Variants in ROBO1 observed in about 807,000 individuals in gnomAD.
ROBO1 encodes the protein roundabout homolog 1.
Under a neutral mutation model 195.9 loss-of-function variants are expected in ROBO1, and 149 were observed. The observed-to-expected ratio is 0.76, with a 90% CI of 0.67 to 0.87. The LOEUF (loss-of-function observed/expected upper bound fraction) is 0.87, where lower values mean the gene tolerates loss of function less well. ROBO1 is among the 40% of genes least tolerant of loss of function. The pLI is 0.00. For missense variants in ROBO1, 1,933 were observed against 2,068.3 expected (o/e 0.93, Z 1.27); for synonymous variants, 816 against 733.2 (o/e 1.11, Z -1.82).
At chr3:79,623,306 A>G (rs1199298207) in intron 1 of ROBO1, among the ~76,000 whole-genome samples, 1 of 152,170 alleles carries the variant, frequency 6.6e-6, no homozygotes, top group Non-Finnish European at 1.5e-5. Context: ...AACAATCGCA[A>G]CGTCTCTCAT....
chr3:78,729,165 A>G (rs2082231683), intron 5 of ROBO1, among the ~76,000 whole-genome samples: 1 of 152,198 alleles, frequency 6.6e-6, no homozygotes, highest in Non-Finnish European at 1.5e-5. Context: ...ATAACAATTG[A>G]TAAATTGGTA....
At chr3:78,994,405 C>G (rs988242923) in intron 3 of ROBO1, among the ~76,000 whole-genome samples, 4 of 152,088 alleles carry the variant, frequency 2.6e-5, no homozygotes, top group Non-Finnish European at 4.4e-5. Context: ...TGTGCGCTAC[C>G]ATATTTTATG....
chr3:79,397,240 CAT>C (rs965537411), intron 2 of ROBO1, among the ~76,000 whole-genome samples: 1 of 150,320 alleles, frequency 6.7e-6, no homozygotes, highest in Admixed American at 6.7e-5. Flanking sequence ...ACTTAATAAT[CAT>C]ATATATTTAA....
intron 29 of ROBO1, 150 bp downstream of exon 29, chr3:78,606,583 T>C (rs1486304395): frequency 6.7e-6 from 5 of 749,686 alleles, no homozygotes; most frequent in Non-Finnish European, 9.2e-6. Context: ...GAGTGAACTG[T>C]ATTAAAATTA....
At chr3:79,555,939 T>A (rs1386107737) in intron 2 of ROBO1, among the ~76,000 whole-genome samples, 2 of 152,190 alleles carry the variant, frequency 1.3e-5, no homozygotes, top group African/African-American at 4.8e-5. Flanking sequence ...GTGCCACGCA[T>A]GCTTATGTGA....
chr3:78,743,696 A>G (rs551658170), intron 5 of ROBO1, among the ~76,000 whole-genome samples: 1 of 152,288 alleles, frequency 6.6e-6, no homozygotes, highest in African/African-American at 2.4e-5. Flanking sequence ...TGGGGTAGAA[A>G]GTTCTACACA....
intron 2 of ROBO1, among the ~76,000 whole-genome samples, chr3:79,338,393 T>C (rs77580747): frequency 0.019 from 2,906 of 152,326 alleles, 71 homozygotes; most frequent in African/African-American, 0.061. Flanking sequence ...GCCCACTGAA[T>C]GTTACTTTAC....
At chr3:79,523,472 C>CTTTTTTTTTTTTTTTT (rs11357932) in intron 2 of ROBO1, among the ~76,000 whole-genome samples, 1 of 100,434 alleles carries the variant, frequency 1.0e-5, no homozygotes, top group Non-Finnish European at 1.9e-5. Context: ...TTTTTTTTTT[C>CTTTTTTTTTTTTTTTT]TTTTTTTTTT....
At chr3:79,350,688 C>T (rs2035308829) in intron 2 of ROBO1, among the ~76,000 whole-genome samples, 1 of 152,050 alleles carries the variant, frequency 6.6e-6, no homozygotes, top group Non-Finnish European at 1.5e-5. Context: ...AGGCTGGTCA[C>T]AAAACACCTA....
rs560040559 is a variant in ROBO1 at position 79,160,845 on chromosome 3, T to A, written c.89-35306A>T. On this transcript the variant is annotated intron_variant, in intron 2 of 30. Transcript: ENST00000464233. The stretch of plus-strand genomic sequence containing the variant: ...TTCTAAACAGCTTCTAGTTTGTAAC[T>A]GGGGCTAAGCCTCACCCCCCCAACC... Among the ~76,000 whole-genome samples, 3 of 152,140 alleles carry A rather than the reference T, an allele frequency of 2.0e-5. No individual in the cohort carries two copies. The South Asian group carries it at 6.2e-4, about 32-fold the overall frequency.
rs372641470 is a variant in ROBO1, at chr3:79,623,702, C to T, written c.-50-33741G>A. On this transcript the variant is annotated intron_variant, in intron 1 of 30. Coordinates refer to ENST00000464233, the MANE Select transcript of ROBO1 (RefSeq NM_002941.4). ...ACAAGAAATATGGGACTTCAATAAA[C>T]GACCAAACCTACAATTGATTGGAGT... Among the ~76,000 whole-genome samples, 16 of 151,994 alleles carry T rather than the reference C, an allele frequency of 1.1e-4. No homozygotes were observed. The South Asian group carries it at 2.1e-3, about 20-fold the overall frequency.
chr3:79,577,717 A>ACACACACAC (rs1943533321), intron 2 of ROBO1, among the ~76,000 whole-genome samples: 1 of 140,636 alleles, frequency 7.1e-6, no homozygotes, highest in African/African-American at 2.6e-5. Context: ...CTTTACTAAA[A>ACACACACAC]ACACACACAC....
At chr3:79,491,800 T>G (rs1417428609) in intron 2 of ROBO1, among the ~76,000 whole-genome samples, 1 of 151,902 alleles carries the variant, frequency 6.6e-6, no homozygotes, top group Non-Finnish European at 1.5e-5. Context: ...TTTTTTTTAA[T>G]TTTGTGGGCA....
intron 4 of ROBO1, among the ~76,000 whole-genome samples, chr3:78,829,370 C>T (rs150456887): frequency 1.3e-5 from 2 of 152,158 alleles, no homozygotes; most frequent in Non-Finnish European, 2.9e-5. Flanking sequence ...ATTACAGATA[C>T]ACTTGTTAAA....
intron 19 of ROBO1, among the ~76,000 whole-genome samples, 197 bp downstream of exon 19, chr3:78,651,535 T>A (rs1706658444): frequency 6.6e-6 from 1 of 152,158 alleles, no homozygotes; most frequent in Non-Finnish European, 1.5e-5. Flanking sequence ...AAGAAACTAA[T>A]AAACTCTATT....
At chr3:78,941,790 C>T (rs2040159862) in intron 3 of ROBO1, among the ~76,000 whole-genome samples, 1 of 152,116 alleles carries the variant, frequency 6.6e-6, no homozygotes. Flanking sequence ...AAGTGTAAGT[C>T]TGAAGGAATA....
At chr3:79,068,132 T>C (rs1456300865) in intron 3 of ROBO1, among the ~76,000 whole-genome samples, 1 of 151,894 alleles carries the variant, frequency 6.6e-6, no homozygotes, top group Non-Finnish European at 1.5e-5. Context: ...TGATACATTA[T>C]GGGAGGGGAT....
At chr3:79,362,733 G>A (rs575073303) in intron 2 of ROBO1, among the ~76,000 whole-genome samples, 49 of 152,092 alleles carry the variant, frequency 3.2e-4, no homozygotes, top group African/African-American at 1.1e-3. Flanking sequence ...TTAACTTTAC[G>A]AAATTTCTCT....
chr3:79,386,803 A>T (rs1486160789), intron 2 of ROBO1, among the ~76,000 whole-genome samples: 1 of 152,140 alleles, frequency 6.6e-6, no homozygotes, highest in Middle Eastern at 3.2e-3. Context: ...TTTATTCCTC[A>T]GTGCAGTGGA....
Sources: allele counts gnomAD v4.1 joint callset (sites outside exome capture counted in the v4.1 genomes callset), GRCh38; gene constraint gnomAD v4.1.1; transcripts MANE v1.5; gene names NCBI Gene and HGNC (gene_info 2026-07-23, HGNC 2026-07-21).